Variants in CLCN1 observed in about 807,000 individuals in gnomAD.
CLCN1 encodes the protein chloride voltage-gated channel 1.
CLCN1 carries 100 observed loss-of-function variants against 114.5 expected under a neutral mutation model. The observed-to-expected ratio is 0.87, with a 90% CI of 0.74 to 1.03. The LOEUF is 1.03. Among genes scored for constraint, CLCN1 ranks in the 50% least tolerant of loss-of-function variants. CLCN1 has a pLI of 0.00. For synonymous variants in CLCN1, 485 were observed against 487.1 expected (o/e 1.00, Z 0.06); for missense variants, 1,188 against 1,250.0 (o/e 0.95, Z 0.75).
intron 7 of CLCN1, among the ~76,000 whole-genome samples, chr7:143,327,218 AGT>A: frequency 6.6e-6 from 1 of 151,902 alleles, no homozygotes; most frequent in Non-Finnish European, 1.5e-5. Flanking sequence ...ACTGCACTCC[AGT>A]CCGGGCAACA....
chr7:143,324,369 C>A lies in CLCN1; in HGVS notation c.775-45C>A. The A allele has an allele frequency of 6.9e-7, 1 of 1,442,426 alleles. No individual in the cohort carries two copies. The highest frequency in any genetic ancestry group is 9.8e-7 in the Non-Finnish European group (1 of 1,024,112). 89.4% of individuals were successfully genotyped at this position (1,442,426 alleles called of 1,614,324 possible). On this transcript the variant is annotated intron_variant, in intron 6 of 22. Transcript: ENST00000343257. This position sits in a 1 kb window ranked among gnomAD's most constrained non-coding sequence, Gnocchi z 4.6. ...CTTGTTCTGTCCTCTGCCTGCCCAC[C>A]TCCCTCTCTTCCACCTGTTTCTCTG... is the stretch of plus-strand genomic sequence containing the variant.
chr7:143,330,646 A>T, intron 7 of CLCN1, 126 bp from the exon 8 acceptor site: 1 of 1,239,776 alleles, frequency 8.1e-7, no homozygotes, highest in Non-Finnish European at 1.2e-6. Flanking sequence ...AGAGATCATT[A>T]CTTTCCACTA....
chr7:143,320,625 G>T (rs572558903), intron 2 of CLCN1, 39 bp from the exon 3 acceptor site: 6 of 1,512,362 alleles, frequency 4.0e-6, no homozygotes, highest in African/African-American at 2.8e-5. Context: ...TTGTTTGTTT[G>T]TTGTTTGTTT....
chr7:143,332,572 AG>A, intron 11 of CLCN1, 69 bp downstream of exon 11: 1 of 1,524,846 alleles, frequency 6.6e-7, no homozygotes, highest in Non-Finnish European at 9.1e-7. Context: ...TCAGAGCATA[AG>A]TAGTTTTGTC....
In CLCN1 at chr7:143,316,281, G is replaced by T. The variant is rs760729130; in HGVS notation, c.69G>T (p.Gln23His). ...QSWWGSDPQY[Q>H]YMPFEHCTSY... is the part of the protein sequence containing the mutation. ...GGTGGGGTAGTGACCCCCAGTACCA[G>T]TATATGCCCTTTGAACACTGCACCA... Residue 23 changes from glutamine (Q) to histidine (H), a missense_variant, in exon 1 of 23, where the codon CAG (glutamine) becomes CAT (histidine). By Grantham distance (24) the Gln-to-His change is conservative. Transcript: ENST00000343257. The T allele has an allele frequency of 6.2e-7, 1 of 1,613,672 alleles. No homozygotes were observed. Among genetic ancestry groups the T allele is most frequent in the African/African-American group, 1.3e-5 (1 of 74,912 alleles).
intron 12 of CLCN1, among the ~76,000 whole-genome samples, chr7:143,335,613 T>C (rs1802855995): frequency 6.6e-6 from 1 of 151,914 alleles, no homozygotes; most frequent in South Asian, 2.1e-4. Flanking sequence ...TATGTGGTCT[T>C]CTAGCAGCAT....
At chr7:143,319,974 C>A in intron 2 of CLCN1, 99 bp downstream of exon 2, 1 of 1,298,602 alleles carries the variant, frequency 7.7e-7, no homozygotes, top group South Asian at 1.2e-5. Context: ...ACTCCCTGCC[C>A]TGCTACAAAA....
At chr7:143,318,826 A>T (rs1334625923) in intron 1 of CLCN1, among the ~76,000 whole-genome samples, 1 of 152,120 alleles carries the variant, frequency 6.6e-6, no homozygotes, top group East Asian at 1.9e-4. Flanking sequence ...TCGGTCACTG[A>T]CCCAGAAGAC....
chr7:143,342,706 T>A, intron 16 of CLCN1, among the ~76,000 whole-genome samples: 1 of 152,164 alleles, frequency 6.6e-6, no homozygotes, highest in East Asian at 1.9e-4. Context: ...TGGTGGCTCA[T>A]GCCTGTAATC....
In CLCN1 at chr7:143,345,516, C is replaced by T. The variant is rs1192488651; in HGVS notation, c.1931-5C>T. ...GCGCTCAGGCAGGGCGTGGGTTTCC[C>T]TCAGATTCAATGATCCTGCTGGGCT... On this transcript the variant is annotated splice_region_variant and splice_polypyrimidine_tract_variant and intron_variant, in intron 16 of 22. Transcript: ENST00000343257. 7 of 1,531,328 alleles carry T rather than the reference C, an allele frequency of 4.6e-6. No homozygotes were observed. The highest frequency in any genetic ancestry group is 2.1e-4 in the Middle Eastern group (1 of 4,654). The allele number at this position is 1,531,328 out of a possible 1,614,324, so 94.9% of individuals were successfully genotyped here. A position where few individuals can be genotyped will look rare whatever the true frequency, so the allele number is the denominator to read the frequency against.
At chr7:143,326,006 T>A (rs556421763) in intron 7 of CLCN1, among the ~76,000 whole-genome samples, 1 of 151,916 alleles carries the variant, frequency 6.6e-6, no homozygotes, top group African/African-American at 2.4e-5. Flanking sequence ...ATTACTTGTT[T>A]TTTTTGTTTG....
Position 143,351,636 on chromosome 7 carries a change from C to G in CLCN1, c.2638C>G (p.Leu880Val), listed in dbSNP as rs1803408170. The change falls in exon 23 of 23, where the codon CTC becomes GTC. Residue 880 changes from leucine (L) to valine (V), a missense_variant. Coordinates refer to ENST00000343257, the MANE Select transcript of CLCN1 (RefSeq NM_000083.3). ...IEGHTKSGVQ[L>V]RPPLASFRNT... ...GGGGCACACCAAGTCTGGGGTGCAG[C>G]TCCGCCCTCCCCTTGCCAGCTTCCG... is the stretch of plus-strand genomic sequence containing the variant. The G allele has an allele frequency of 6.2e-7, 1 of 1,614,164 alleles. No homozygotes were observed. The highest frequency in any genetic ancestry group is 1.3e-5 in the African/African-American group (1 of 75,048).
In CLCN1 at chr7:143,320,792, C is replaced by A; in HGVS notation, c.430C>A (p.Gln144Lys). Residue 144 changes from glutamine to lysine, a missense_variant, in exon 3 of 23, where the codon CAG becomes AAG. Coordinates refer to ENST00000343257, the MANE Select transcript of CLCN1 (RefSeq NM_000083.3). ...GGACTACGTCAGTGCCAAAAGCCTT[C>A]AGGGTAGGTTTAACCTGGACCTTTG... ...SMDYVSAKSL[Q>K]AYKWSYAQMQ... 6.2e-7 allele frequency: 1 copy of A among 1,614,000 alleles called. No homozygotes were observed. The highest frequency in any genetic ancestry group is 8.5e-7 in the Non-Finnish European group (1 of 1,179,966).
chr7:143,346,708 A>G (rs1421813293), intron 19 of CLCN1, 50 bp downstream of exon 19: 2 of 1,478,408 alleles, frequency 1.4e-6, no homozygotes, highest in Admixed American at 3.3e-5. Flanking sequence ...CCTGCCCTTG[A>G]AGAGTGAGAA....
intron 7 of CLCN1, among the ~76,000 whole-genome samples, chr7:143,328,684 C>G (rs74686123): frequency 1.3e-5 from 2 of 152,188 alleles, no homozygotes; most frequent in African/African-American, 4.8e-5. Flanking sequence ...CTCACTCTAC[C>G]TGGTTCCTGC....
rs1345947909 is a variant in CLCN1 at position 143,341,858 on chromosome 7, C to T, written c.1583-71C>T. 1.1e-5 allele frequency: 13 copies of T among 1,206,472 alleles called. No individual in the cohort carries two copies. The East Asian group carries it at 2.1e-4, about 20-fold the overall frequency. The allele number at this position is 1,206,472 out of a possible 1,614,324, so 74.7% of individuals were successfully genotyped here. ...GTCTCTCATTCCGTGTTATTCCCAT[C>T]CCATCCCCATATGTCCTTCATGCTA... On this transcript the variant is annotated intron_variant, in intron 14 of 22. Coordinates refer to ENST00000343257, the MANE Select transcript of CLCN1 (RefSeq NM_000083.3).
intron 12 of CLCN1, among the ~76,000 whole-genome samples, chr7:143,335,224 G>C (rs1586502565): frequency 1.3e-5 from 2 of 152,038 alleles, no homozygotes; most frequent in South Asian, 4.1e-4. Context: ...GCAAATTCAA[G>C]CTTATTTTGA....
At chr7:143,341,192 A>G (rs1803065402) in intron 14 of CLCN1, among the ~76,000 whole-genome samples, 1 of 151,858 alleles carries the variant, frequency 6.6e-6, no homozygotes, top group African/African-American at 2.4e-5. Flanking sequence ...CATTCTATTT[A>G]CTCACTAATT....
In CLCN1 at chr7:143,321,236, G is replaced by A. The variant is rs992616853; in HGVS notation, c.434-129G>A. ...CTCAGGCTTCCCATGTGTCAAATGA[G>A]AGCAGCACCATCTCAGAAGGGGCAC... is the stretch of plus-strand genomic sequence containing the variant. On this transcript the variant is annotated intron_variant, in intron 3 of 22. Transcript: ENST00000343257. This position sits in a 1 kb window ranked among gnomAD's most constrained non-coding sequence, Gnocchi z 4.2. The A allele has an allele frequency of 8.1e-6, 9 of 1,109,428 alleles. No individual in the cohort carries two copies. The highest frequency in any genetic ancestry group is 3.1e-5 in the African/African-American group (2 of 64,862). 68.7% of individuals were successfully genotyped at this position (1,109,428 alleles called of 1,614,324 possible).
Sources: gnomAD v4.1 joint callset for allele counts (sites outside exome capture counted in the v4.1 genomes callset) on GRCh38, gnomAD v4.1.1 for gene constraint, Gnocchi (gnomAD v3.1) non-coding constraint, MANE v1.5 for transcripts, NCBI Gene and HGNC (gene_info 2026-07-23, HGNC 2026-07-21) for gene names.